MAP3K19: variants seen among roughly 807,000 people sequenced by gnomAD.
MAP3K19 encodes SPS1/STE20-related protein kinase YSK4.
Under a neutral mutation model 114.4 loss-of-function variants are expected in MAP3K19, and 91 were observed. That is an observed-to-expected ratio of 0.80 (90% confidence interval 0.67 to 0.95). The LOEUF is 0.95. Among genes scored for constraint, MAP3K19 ranks in the 40% least tolerant of loss-of-function variants. The pLI is 0.00. For synonymous variants in MAP3K19, 518 were observed against 530.5 expected (o/e 0.98, Z 0.32); for missense variants, 1,471 against 1,573.2 (o/e 0.94, Z 1.10).
chr2:135,015,611 T>C (rs1687529643), intron 5 of MAP3K19, among the ~76,000 whole-genome samples: 1 of 152,156 alleles, frequency 6.6e-6, no homozygotes, highest in Admixed American at 6.6e-5. Flanking sequence ...GTAAAAATTG[T>C]TGGCCGGGCA....
intron 5 of MAP3K19, among the ~76,000 whole-genome samples, chr2:135,006,038 C>T (rs762819894): frequency 2.0e-5 from 3 of 152,188 alleles, no homozygotes; most frequent in Admixed American, 1.3e-4. Flanking sequence ...TTCCCTATGA[C>T]GGCGTTCTGA....
rs183495366 is a variant in MAP3K19, at chr2:135,000,164, T to A, written c.236-149A>T. 283 of 618,588 alleles carry A rather than the reference T, an allele frequency of 4.6e-4. 1 individual carries two copies. The highest frequency in any genetic ancestry group is 7.5e-4 in the Non-Finnish European group (258 of 344,506). 38.3% of individuals were successfully genotyped at this position (618,588 alleles called of 1,614,324 possible). A position where few individuals can be genotyped will look rare whatever the true frequency, so the allele number is the denominator to read the frequency against. On this transcript the variant is annotated intron_variant, in intron 6 of 12. Transcript: ENST00000392915. The stretch of plus-strand genomic sequence containing the variant: ...GAGCTGAGGTTTAGCCATCTTTGTA[T>A]CTTTCCTGTTCAGGATATGATAGAT...
intron 12 of MAP3K19, among the ~76,000 whole-genome samples, chr2:134,978,188 G>GTT (rs1684379963): frequency 7.1e-6 from 1 of 141,384 alleles, no homozygotes. Flanking sequence ...ACCTTATAAT[G>GTT]ATTTTTTTTT....
chr2:134,998,856 G>C lies in MAP3K19; in HGVS notation c.456C>G (p.Leu152=). Residue 152 remains leucine (L), a synonymous_variant, in exon 8 of 13, where the codon CTC becomes CTG. Transcript: ENST00000392915. The stretch of plus-strand genomic sequence containing the variant: ...GCAAAAAGCCCAAGTTCACATTGCA[G>C]AGCTCCCTGGAACTTTCCTCTTTTT... ...VLQKEESSRE[L]CNVNLGFLLP... is the part of the protein sequence containing the mutation. 1 of 1,614,190 alleles carries C rather than the reference G, an allele frequency of 6.2e-7. No individual in the cohort carries two copies. Among genetic ancestry groups the C allele is most frequent in the South Asian group, 1.1e-5 (1 of 91,084 alleles).
At chr2:134,973,972 T>C (rs1008466934) in intron 12 of MAP3K19, among the ~76,000 whole-genome samples, 7 of 152,230 alleles carry the variant, frequency 4.6e-5, no homozygotes, top group Non-Finnish European at 8.8e-5. Flanking sequence ...AGTTTTGTTT[T>C]GTTTTTATGC....
intron 1 of MAP3K19, among the ~76,000 whole-genome samples, chr2:135,045,860 G>A (rs1688731367): frequency 6.6e-6 from 1 of 152,136 alleles, no homozygotes. Context: ...AAGATGGAAT[G>A]AGCACATAGC....
chr2:135,043,069 C>A (rs891142187), intron 1 of MAP3K19, among the ~76,000 whole-genome samples: 1 of 151,968 alleles, frequency 6.6e-6, no homozygotes, highest in African/African-American at 2.4e-5. Context: ...GGCAACAGAG[C>A]GAGACTCCAT....
intron 1 of MAP3K19, among the ~76,000 whole-genome samples, chr2:135,040,836 A>G (rs1174316138): frequency 6.6e-6 from 1 of 152,196 alleles, no homozygotes; most frequent in Non-Finnish European, 1.5e-5. Context: ...AGTAGAATGG[A>G]AACAGCACAA....
intron 2 of MAP3K19, among the ~76,000 whole-genome samples, chr2:135,032,339 AGAGT>A: frequency 6.7e-6 from 1 of 148,278 alleles, no homozygotes; most frequent in East Asian, 2.0e-4. Context: ...CCTGGGTGAC[AGAGT>A]GAGACTCTGT....
At chr2:135,004,832 C>T (rs1362840340) in intron 6 of MAP3K19, among the ~76,000 whole-genome samples, 1 of 152,160 alleles carries the variant, frequency 6.6e-6, no homozygotes, top group Non-Finnish European at 1.5e-5. Flanking sequence ...CGTACACTCC[C>T]CCACCTTCCC....
At chr2:135,024,365 T>C (rs532765379) in intron 4 of MAP3K19, among the ~76,000 whole-genome samples, 1 of 145,430 alleles carries the variant, frequency 6.9e-6, no homozygotes, top group South Asian at 2.3e-4. Flanking sequence ...TCTTCCCCTT[T>C]CAAGTTTACA....
At chr2:135,039,123 CTTTTTTT>C (rs61309665) in intron 2 of MAP3K19, among the ~76,000 whole-genome samples, 2 of 112,484 alleles carry the variant, frequency 1.8e-5, no homozygotes, top group Non-Finnish European at 2.1e-5. Context: ...AATTTTCTTT[CTTTTTTT>C]TTTTTTTTTT....
At chr2:135,037,311 G>A (rs145466861) in intron 2 of MAP3K19, among the ~76,000 whole-genome samples, 208 of 152,250 alleles carry the variant, frequency 1.4e-3, no homozygotes, top group Admixed American at 3.7e-3. Flanking sequence ...CAGCAGACCC[G>A]GATGGTTTAT....
chr2:135,007,442 C>T (rs1054121496), intron 5 of MAP3K19, among the ~76,000 whole-genome samples: 1 of 152,110 alleles, frequency 6.6e-6, no homozygotes, highest in Admixed American at 6.5e-5. Context: ...TTCAATTATA[C>T]TTTTAGTTAT....
chr2:135,003,915 C>T (rs753844995), intron 6 of MAP3K19, among the ~76,000 whole-genome samples: 35 of 152,204 alleles, frequency 2.3e-4, no homozygotes, highest in Non-Finnish European at 4.3e-4. Flanking sequence ...ATCTAAAACA[C>T]TTTTATTTCA....
intron 3 of MAP3K19, among the ~76,000 whole-genome samples, chr2:135,029,355 G>A (rs570551828): frequency 4.6e-4 from 65 of 141,588 alleles, no homozygotes; most frequent in Non-Finnish European, 3.1e-4. Flanking sequence ...CAGCCTGGGC[G>A]ACAGAGCAAG....
At chr2:134,996,518 C>T (rs1322615156) in intron 8 of MAP3K19, among the ~76,000 whole-genome samples, 3 of 151,994 alleles carry the variant, frequency 2.0e-5, no homozygotes, top group Non-Finnish European at 4.4e-5. Context: ...AGGTCAGGAT[C>T]CTATAGCGGA....
rs1293708275 is a variant in MAP3K19, at chr2:135,031,402, G to A, written c.-283-902C>T. Among the ~76,000 whole-genome samples the A allele has an allele frequency of 2.0e-5, 3 of 152,070 alleles. No homozygotes were observed. In the East Asian group the frequency reaches 5.8e-4, roughly 29 times the overall value. On this transcript the variant is annotated intron_variant, in intron 2 of 12. Transcript: ENST00000392915. ...GAATAAAGTACAGTGTGTACAAGAG[G>A]GCAAGTAATATTCAAAGCTTTGGAA...
At chr2:135,031,921 G>A (rs1205610990) in intron 2 of MAP3K19, among the ~76,000 whole-genome samples, 1 of 152,118 alleles carries the variant, frequency 6.6e-6, no homozygotes, top group Non-Finnish European at 1.5e-5. Flanking sequence ...GGCCACCATG[G>A]TCCCTTGTCT....
Sources: allele counts gnomAD v4.1 joint callset (sites outside exome capture counted in the v4.1 genomes callset), GRCh38; gene constraint gnomAD v4.1.1; transcripts MANE v1.5; gene names NCBI Gene and HGNC (gene_info 2026-07-23, HGNC 2026-07-21).